The following MYRIP variants were observed in gnomAD, a reference collection of about 807,000 sequenced individuals.
The protein encoded by MYRIP is rab effector MyRIP.
In MYRIP, 49 loss-of-function variants were observed where a neutral mutation model predicts 98.0. The observed-to-expected ratio is 0.50, with a 90% confidence interval of 0.40 to 0.63. The LOEUF (loss-of-function observed/expected upper bound fraction) is 0.63. Among genes scored for constraint, MYRIP ranks in the 30% least tolerant of loss-of-function variants. The probability of loss-of-function intolerance (pLI) is 0.00; values close to 1 mark genes in which losing one functional copy is unlikely to be tolerated. For synonymous variants in MYRIP, 404 were observed against 409.5 expected (o/e 0.99, Z 0.16); for missense variants, 1,004 against 1,058.2 (o/e 0.95, Z 0.71).
chr3:39,866,207 T>TAAAA (rs200666613), intron 1 of MYRIP, among the ~76,000 whole-genome samples: 1 of 150,020 alleles, frequency 6.7e-6, no homozygotes, highest in Non-Finnish European at 1.5e-5. Context: ...GTTAAGGATT[T>TAAAA]AAAAAAAAAA....
intron 16 of MYRIP, among the ~76,000 whole-genome samples, chr3:40,253,085 T>A (rs1953432200): frequency 6.6e-6 from 1 of 152,144 alleles, no homozygotes. Context: ...CAGACCAGAA[T>A]AACCCACTGA....
At chr3:40,219,498 C>T (rs1337114652) in intron 11 of MYRIP, among the ~76,000 whole-genome samples, 1 of 151,950 alleles carries the variant, frequency 6.6e-6, no homozygotes, top group African/African-American at 2.4e-5. Flanking sequence ...CCCCACCCCA[C>T]AACAGTCCCC....
intron 1 of MYRIP, among the ~76,000 whole-genome samples, chr3:39,889,470 A>C (rs113479667): frequency 0.051 from 7,792 of 152,224 alleles, 230 homozygotes; most frequent in African/African-American, 0.067. Flanking sequence ...ATAGGTGGAA[A>C]CTGAACAATG....
At chr3:40,190,898 T>C (rs938672801) in intron 10 of MYRIP, among the ~76,000 whole-genome samples, 2 of 152,222 alleles carry the variant, frequency 1.3e-5, no homozygotes, top group Non-Finnish European at 2.9e-5. Flanking sequence ...TCCAACTGTG[T>C]GGCCTTGGGC....
chr3:39,990,650 C>A (rs1443646663), intron 2 of MYRIP, among the ~76,000 whole-genome samples: 2 of 152,322 alleles, frequency 1.3e-5, no homozygotes, highest in African/African-American at 2.4e-5. Context: ...CTATTGAAAG[C>A]TTTTCACAGT....
At chr3:40,060,008 A>G (rs185170450) in intron 3 of MYRIP, among the ~76,000 whole-genome samples, 48 of 152,284 alleles carry the variant, frequency 3.2e-4, no homozygotes, top group African/African-American at 9.4e-4. Context: ...GGAATGGGAT[A>G]AGGCTTTCTG....
chr3:40,187,557 C>T (rs764922091), intron 9 of MYRIP, among the ~76,000 whole-genome samples: 76 of 152,296 alleles, frequency 5.0e-4, no homozygotes, highest in Non-Finnish European at 7.1e-4. Flanking sequence ...GTCAGAGAAC[C>T]GAGGCACAGA....
chr3:39,888,764 T>A (rs1419552068), intron 1 of MYRIP, among the ~76,000 whole-genome samples: 1 of 152,074 alleles, frequency 6.6e-6, no homozygotes, highest in African/African-American at 2.4e-5. Context: ...GGGAGAAAAT[T>A]TTCGCAACCT....
chr3:40,167,735 A>T (rs1016891296), intron 7 of MYRIP, among the ~76,000 whole-genome samples: 2 of 152,160 alleles, frequency 1.3e-5, no homozygotes, highest in African/African-American at 4.8e-5. Context: ...CAAATTTGGG[A>T]GTTTCCATGA....
intron 2 of MYRIP, among the ~76,000 whole-genome samples, chr3:39,954,516 C>T (rs1425255732): frequency 1.3e-5 from 2 of 152,094 alleles, no homozygotes; most frequent in African/African-American, 2.4e-5. Flanking sequence ...CCCATCTGTA[C>T]GTCACCATCA....
At position 40,216,461 on chromosome 3, in the gene MYRIP, A is replaced by G. The variant is rs144729072; in HGVS notation, c.1905+6368A>G. On this transcript the variant is annotated intron_variant, in intron 11 of 16. Coordinates refer to ENST00000302541, the MANE Select transcript of MYRIP (RefSeq NM_015460.4). Reference sequence around the variant, plus strand: ...AAAATATAAAAACTAAAGAAGGAAAAACATGTACACCCGTTTCTCCTATAA... The same window carrying G: ...AAAATATAAAAACTAAAGAAGGAAAGACATGTACACCCGTTTCTCCTATAA... 3.2e-4 allele frequency among the ~76,000 whole-genome samples: 48 copies of G among 152,248 alleles called. No homozygotes were observed. The East Asian group carries it at 7.3e-3, about 23-fold the overall frequency.
chr3:39,934,164 G>C (rs1303827942), intron 2 of MYRIP, among the ~76,000 whole-genome samples: 1 of 152,094 alleles, frequency 6.6e-6, no homozygotes, highest in Non-Finnish European at 1.5e-5. Flanking sequence ...TGTCTTCTCT[G>C]GGGAATTTTG....
At chr3:40,041,022 G>GAAAAAAAAAAAA in intron 2 of MYRIP, among the ~76,000 whole-genome samples, 1 of 41,210 alleles carries the variant, frequency 2.4e-5, no homozygotes, top group African/African-American at 8.8e-5. Context: ...ATTACCAGCA[G>GAAAAAAAAAAAA]AAAAAAAAAA....
chr3:40,110,881 G>GGTGTGTGTGTGT (rs58040369), intron 3 of MYRIP, among the ~76,000 whole-genome samples: 1 of 147,698 alleles, frequency 6.8e-6, no homozygotes, highest in African/African-American at 2.5e-5. Flanking sequence ...TTCATGAAGG[G>GGTGTGTGTGTGT]GTGTGTGTGT....
chr3:40,176,152 A>G (rs774385240), intron 8 of MYRIP, among the ~76,000 whole-genome samples: 1 of 152,248 alleles, frequency 6.6e-6, no homozygotes, highest in Non-Finnish European at 1.5e-5. Flanking sequence ...TTCTTCCTCT[A>G]TAAAATGAGA....
At chr3:40,020,805 G>T (rs758347454) in intron 2 of MYRIP, among the ~76,000 whole-genome samples, 8 of 152,096 alleles carry the variant, frequency 5.3e-5, no homozygotes, top group Non-Finnish European at 1.0e-4. Context: ...ACTGTTGGCA[G>T]TGTACCTCTC....
intron 2 of MYRIP, among the ~76,000 whole-genome samples, chr3:39,911,044 C>G (rs1165319748): frequency 6.6e-6 from 1 of 152,156 alleles, no homozygotes; most frequent in Non-Finnish European, 1.5e-5. Context: ...CATACTGTGT[C>G]CATGCCATAT....
intron 1 of MYRIP, among the ~76,000 whole-genome samples, chr3:39,892,807 C>T (rs945793225): frequency 8.5e-5 from 13 of 152,180 alleles, no homozygotes; most frequent in African/African-American, 3.1e-4. Context: ...CTACTTCCTG[C>T]TTCGGTTTTT....
intron 3 of MYRIP, among the ~76,000 whole-genome samples, chr3:40,132,382 G>A (rs894226021): frequency 6.6e-6 from 1 of 151,850 alleles, no homozygotes; most frequent in Non-Finnish European, 1.5e-5. Context: ...AGATAAGCCT[G>A]TAGCTGTGAA....
Sources: allele counts gnomAD v4.1 joint callset (sites outside exome capture counted in the v4.1 genomes callset), GRCh38; gene constraint gnomAD v4.1.1; transcripts MANE v1.5; gene names NCBI Gene and HGNC (gene_info 2026-07-23, HGNC 2026-07-21).